Variants in BCAS3 observed in about 807,000 individuals in gnomAD.
BCAS3 encodes the protein BCAS4/BCAS3 fusion.
BCAS3 carries 53 observed loss-of-function variants against 116.1 expected under a neutral mutation model. The observed-to-expected ratio is 0.46, with a 90% CI of 0.37 to 0.57. BCAS3 has a LOEUF of 0.57. Among genes scored for constraint, BCAS3 ranks in the 20% least tolerant of loss-of-function variants. The pLI, the probability that BCAS3 is intolerant of heterozygous loss-of-function variation, is 0.00. For synonymous variants in BCAS3, 391 were observed against 408.2 expected, an observed-to-expected ratio of 0.96 and a Z score of 0.51; for missense variants, 917 against 1,165.4, an observed-to-expected ratio of 0.79 and a Z score of 3.10.
At chr17:61,273,169 A>G (rs1158123085) in intron 22 of BCAS3, among the ~76,000 whole-genome samples, 6 of 150,350 alleles carry the variant, frequency 4.0e-5, no homozygotes, top group Non-Finnish European at 3.0e-5. Flanking sequence ...GTGCAGTGGC[A>G]TGATCATGGC....
intron 14 of BCAS3, among the ~76,000 whole-genome samples, chr17:60,963,863 C>G (rs910490978): frequency 1.2e-4 from 18 of 152,164 alleles, no homozygotes; most frequent in Admixed American, 8.5e-4. Context: ...CCAAATGCTA[C>G]TGGTTTTTGT....
intron 22 of BCAS3, among the ~76,000 whole-genome samples, chr17:61,175,245 A>G (rs1351466805): frequency 6.6e-6 from 1 of 152,158 alleles, no homozygotes; most frequent in Non-Finnish European, 1.5e-5. Flanking sequence ...CATCTCTGTA[A>G]AAAATATAAA....
intron 10 of BCAS3, among the ~76,000 whole-genome samples, chr17:60,895,872 C>T (rs2057474357): frequency 6.6e-6 from 1 of 152,098 alleles, no homozygotes; most frequent in Non-Finnish European, 1.5e-5. Flanking sequence ...CCATTGTGGT[C>T]TGAGAAGATA....
At chr17:60,849,958 A>G (rs2052927211) in intron 7 of BCAS3, among the ~76,000 whole-genome samples, 1 of 152,068 alleles carries the variant, frequency 6.6e-6, no homozygotes, top group African/African-American at 2.4e-5. Context: ...GGGTCTTGCT[A>G]CATTGCCCAG....
intron 13 of BCAS3, among the ~76,000 whole-genome samples, chr17:60,942,512 T>G (rs1047303430): frequency 6.6e-6 from 1 of 152,172 alleles, no homozygotes; most frequent in African/African-American, 2.4e-5. Context: ...GTCAATAACC[T>G]CATGATCATA....
In BCAS3 at chr17:61,278,392, C is replaced by G. The variant is rs1389076605; in HGVS notation, c.2426-89935C>G. 6.6e-6 allele frequency among the ~76,000 whole-genome samples: 1 copy of G among 152,148 alleles called. No homozygotes were observed. The highest frequency in any genetic ancestry group is 1.9e-4 in the East Asian group (1 of 5,190). Reference sequence around the variant, plus strand: ...GGTTTCGCCATGTTCCCAGGCTTATCTCAAACTCCTGGGCTCACATGATCC... The same window carrying G: ...GGTTTCGCCATGTTCCCAGGCTTATGTCAAACTCCTGGGCTCACATGATCC... On this transcript the variant is annotated intron_variant, in intron 22 of 23. Coordinates refer to ENST00000407086, the MANE Select transcript of BCAS3 (RefSeq NM_017679.5). This position sits in a 1 kb window ranked among gnomAD's most constrained non-coding sequence, Gnocchi z 5.8.
chr17:60,795,584 A>C (rs1307600865), intron 6 of BCAS3, among the ~76,000 whole-genome samples: 1 of 152,168 alleles, frequency 6.6e-6, no homozygotes, highest in Non-Finnish European at 1.5e-5. Context: ...ACATTAAGGC[A>C]TGTCCCTTGT....
At chr17:60,882,552 T>A (rs2056268156) in intron 9 of BCAS3, among the ~76,000 whole-genome samples, 1 of 152,216 alleles carries the variant, frequency 6.6e-6, no homozygotes, top group African/African-American at 2.4e-5. Flanking sequence ...CTAGGTTCTC[T>A]TCTAGGGTTT....
At chr17:60,875,268 T>G (rs1239267510) in intron 9 of BCAS3, among the ~76,000 whole-genome samples, 1 of 152,148 alleles carries the variant, frequency 6.6e-6, no homozygotes, top group Non-Finnish European at 1.5e-5. Flanking sequence ...AACTTTTGTT[T>G]GTTTTTGTAA....
At position 61,261,069 on chromosome 17, in the gene BCAS3, G is replaced by A. The variant is rs187564744; in HGVS notation, c.2426-107258G>A. On this transcript the variant is annotated intron_variant, in intron 22 of 23. Coordinates refer to ENST00000407086, the MANE Select transcript of BCAS3 (RefSeq NM_017679.5). This position sits in a 1 kb window ranked among gnomAD's most constrained non-coding sequence, Gnocchi z 4.4. ...ATGCTCTCCCAAACTATCATCAAACGCATTTATCTAATTTGACACATTTTG... is the reference window on the plus strand; with the variant it reads ...ATGCTCTCCCAAACTATCATCAAACACATTTATCTAATTTGACACATTTTG... Among the ~76,000 whole-genome samples the A allele has an allele frequency of 5.3e-5, 8 of 152,270 alleles. No homozygotes were observed. The highest frequency in any genetic ancestry group is 1.2e-4 in the African/African-American group (5 of 41,552).
chr17:61,066,962 A>G (rs2070692058), intron 19 of BCAS3, among the ~76,000 whole-genome samples: 1 of 151,936 alleles, frequency 6.6e-6, no homozygotes, highest in African/African-American at 2.4e-5. Flanking sequence ...ATTATTATTT[A>G]TATACTTTAA....
At chr17:60,887,303 TCG>T (rs2056766702) in intron 9 of BCAS3, 5 of 126,834 alleles carry the variant, frequency 3.9e-5, no homozygotes, top group African/African-American at 2.1e-4. Flanking sequence ...CTGCTTCGGC[TCG>T]CGCACGGTGC....
chr17:60,945,734 G>T (rs1481721658), intron 13 of BCAS3, among the ~76,000 whole-genome samples: 1 of 151,920 alleles, frequency 6.6e-6, no homozygotes, highest in African/African-American at 2.4e-5. Flanking sequence ...CCAGGAAGTG[G>T]AGGTTGCAGT....
chr17:60,842,713 A>C (rs2052068432), intron 7 of BCAS3, among the ~76,000 whole-genome samples: 1 of 152,036 alleles, frequency 6.6e-6, no homozygotes, highest in South Asian at 2.1e-4. Flanking sequence ...TCTCTACTCT[A>C]ACGTTAAGTT....
rs892271590 is a variant in BCAS3, at chr17:61,326,190, T to G, written c.2426-42137T>G. ...AATGAAGGAAAAATTCCATGTGGTA[T>G]GAGAGCATCTGAAAAGGGTATGCAG... On this transcript the variant is annotated intron_variant, in intron 22 of 23. Transcript: ENST00000407086. The surrounding 1 kb of genome is among the most constrained non-coding windows in gnomAD (Gnocchi z 5.3). Among the ~76,000 whole-genome samples, 5 of 152,188 alleles carry G rather than the reference T, an allele frequency of 3.3e-5. No individual in the cohort carries two copies. The highest frequency in any genetic ancestry group is 7.3e-5 in the Non-Finnish European group (5 of 68,030).
In BCAS3 at chr17:61,126,326, G is replaced by A. The variant is rs904926003; in HGVS notation, c.2425+41762G>A. Among the ~76,000 whole-genome samples, 11 of 152,084 alleles carry A rather than the reference G, an allele frequency of 7.2e-5. No individual in the cohort carries two copies. The highest frequency in any genetic ancestry group is 2.7e-4 in the African/African-American group (11 of 41,430). On this transcript the variant is annotated intron_variant, in intron 22 of 23. Transcript: ENST00000407086. The surrounding 1 kb of genome is among the most constrained non-coding windows in gnomAD (Gnocchi z 4.6). Reference sequence around the variant, plus strand: ...AGAAAATGTGAGGCAATCCTTTACTGAATTGTCAGTGATACTTATTTTCAG... The same window carrying A: ...AGAAAATGTGAGGCAATCCTTTACTAAATTGTCAGTGATACTTATTTTCAG...
intron 5 of BCAS3, among the ~76,000 whole-genome samples, chr17:60,742,472 G>A (rs2041653427): frequency 9.1e-6 from 1 of 110,326 alleles, no homozygotes; most frequent in African/African-American, 3.6e-5. Flanking sequence ...TTGCTCTGTT[G>A]CCTAGGCTGG....
chr17:61,024,216 CA>C (rs2066068380), intron 16 of BCAS3, among the ~76,000 whole-genome samples: 1 of 152,158 alleles, frequency 6.6e-6, no homozygotes, highest in Non-Finnish European at 1.5e-5. Context: ...ACTATCCATA[CA>C]AAGACAGTAA....
chr17:60,712,800 TA>T (rs2038094323), intron 5 of BCAS3, among the ~76,000 whole-genome samples: 1 of 152,188 alleles, frequency 6.6e-6, no homozygotes, highest in Non-Finnish European at 1.5e-5. Flanking sequence ...GGCTGAAGCT[TA>T]CATAGTGCTC....
Sources: gnomAD v4.1 joint callset for allele counts (sites outside exome capture counted in the v4.1 genomes callset) on GRCh38, gnomAD v4.1.1 for gene constraint, Gnocchi (gnomAD v3.1) non-coding constraint, MANE v1.5 for transcripts, NCBI Gene and HGNC (gene_info 2026-07-23, HGNC 2026-07-21) for gene names.